Variants in ANXA2 observed in about 807,000 individuals in gnomAD.
ANXA2 encodes annexin A2.
In ANXA2, 28 loss-of-function variants were observed where a neutral mutation model predicts 47.3. The ratio of observed to expected loss-of-function variants is 0.59; its 90% CI spans 0.44 to 0.81. The LOEUF is 0.81. Among genes scored for constraint, ANXA2 ranks in the 40% least tolerant of loss-of-function variants. The pLI is 0.00. For missense variants in ANXA2, 384 were observed against 414.3 expected, an observed-to-expected ratio of 0.93 and a Z score of 0.64; for synonymous variants, 172 against 155.5, an observed-to-expected ratio of 1.11 and a Z score of -0.79.
At chr15:60,394,074 G>A (rs1391693107) in intron 1 of ANXA2, among the ~76,000 whole-genome samples, 1 of 152,164 alleles carries the variant, frequency 6.6e-6, no homozygotes, top group Non-Finnish European at 1.5e-5. Flanking sequence ...CTTCAGGGCA[G>A]CCTCTTATCA....
intron 3 of ANXA2, among the ~76,000 whole-genome samples, chr15:60,378,096 C>A (rs371479163): frequency 6.6e-6 from 1 of 151,632 alleles, no homozygotes; most frequent in Non-Finnish European, 1.5e-5. Flanking sequence ...AGTGAGACTC[C>A]GCCTCAAAAA....
chr15:60,391,127 C>G (rs942971423), intron 1 of ANXA2: 1 of 152,304 alleles, frequency 6.6e-6, no homozygotes, highest in Admixed American at 6.5e-5. Context: ...CTCTTCCCTT[C>G]GTGCCTCTGT....
chr15:60,374,942 G>A (rs893228194), intron 3 of ANXA2, among the ~76,000 whole-genome samples: 1 of 152,224 alleles, frequency 6.6e-6, no homozygotes, highest in Non-Finnish European at 1.5e-5. Flanking sequence ...TGCTCTTGTT[G>A]GTTTAGCTCC....
intron 2 of ANXA2, 85 bp from the exon 3 acceptor site, chr15:60,382,526 T>G (rs1286098237): frequency 5.0e-6 from 5 of 992,584 alleles, no homozygotes; most frequent in Admixed American, 4.3e-5. Context: ...GTTTTCCTAT[T>G]GTTTCTTTTA....
At chr15:60,392,358 C>A (rs113663835) in intron 1 of ANXA2, among the ~76,000 whole-genome samples, 5 of 151,152 alleles carry the variant, frequency 3.3e-5, no homozygotes, top group African/African-American at 9.7e-5. Context: ...TGGCAAAAAC[C>A]ACAATTAACT....
chr15:60,354,077 C>A, intron 8 of ANXA2, 77 bp downstream of exon 8: 1 of 1,154,012 alleles, frequency 8.7e-7, no homozygotes, highest in African/African-American at 1.6e-5. Flanking sequence ...ATTTGTCACA[C>A]AGAGTTAAAT....
intron 1 of ANXA2, chr15:60,393,408 C>T: frequency 9.9e-7 from 1 of 1,010,366 alleles, no homozygotes; most frequent in South Asian, 4.0e-5. Flanking sequence ...GTTTTATGGC[C>T]CACATATTGT....
At chr15:60,355,600 G>A (rs2062415802) in intron 7 of ANXA2, 1 of 436,036 alleles carries the variant, frequency 2.3e-6, no homozygotes, top group East Asian at 4.8e-5. Flanking sequence ...GGTCCTGCAT[G>A]ACCACAGATA....
chr15:60,393,005 C>T lies in ANXA2; in HGVS notation c.-12+4938G>A, dbSNP rs2063034369. 5 of 1,281,102 alleles carry T rather than the reference C, an allele frequency of 3.9e-6. No homozygotes were observed. In the South Asian group the frequency reaches 5.0e-5, roughly 13 times the overall value. 79.4% of individuals were successfully genotyped at this position (1,281,102 alleles called of 1,614,324 possible). On this transcript the variant is annotated intron_variant, in intron 1 of 12. Transcript: ENST00000451270. ...AGGGGTTCCCACTGTACTCCATCCT[C>T]CACCCACCTACTGCATCTTTATTTA...
At position 60,352,701 on chromosome 15, in the gene ANXA2, G is replaced by A. The variant is rs763826595; in HGVS notation, c.589-225C>T. Among the ~76,000 whole-genome samples the A allele has an allele frequency of 5.3e-5, 8 of 152,174 alleles. No individual in the cohort carries two copies. Among genetic ancestry groups the A allele is most frequent in the African/African-American group, 1.7e-4 (7 of 41,432 alleles). On this transcript the variant is annotated intron_variant, in intron 8 of 12. Coordinates refer to ENST00000451270, the MANE Select transcript of ANXA2 (RefSeq NM_004039.3). This position sits in a 1 kb window ranked among gnomAD's most constrained non-coding sequence, Gnocchi z 4.2. ...TACCATATGAGACTGCAGATAGTTC[G>A]TGAGGTCTGCTGTACAATCTCCTTC... is the stretch of plus-strand genomic sequence containing the variant.
chr15:60,368,869 C>A (rs2062675402), intron 3 of ANXA2, among the ~76,000 whole-genome samples: 1 of 152,164 alleles, frequency 6.6e-6, no homozygotes, highest in South Asian at 2.1e-4. Flanking sequence ...TTAGAAAACA[C>A]AGTATGCATG....
intron 8 of ANXA2, among the ~76,000 whole-genome samples, chr15:60,353,938 C>T (rs2062385807): frequency 6.6e-6 from 1 of 152,226 alleles, no homozygotes; most frequent in African/African-American, 2.4e-5. Context: ...AGCCATGCAA[C>T]ATTTTGTCTG....
At chr15:60,355,660 A>C in intron 7 of ANXA2, 2 of 538,488 alleles carry the variant, frequency 3.7e-6, no homozygotes, top group Non-Finnish European at 6.7e-6. Flanking sequence ...CTGGCACATA[A>C]ATCCAGGCCA....
At chr15:60,394,250 T>G (rs1240101206) in intron 1 of ANXA2, among the ~76,000 whole-genome samples, 1 of 152,096 alleles carries the variant, frequency 6.6e-6, no homozygotes, top group Non-Finnish European at 1.5e-5. Context: ...GCTGTGAGTG[T>G]ATAGCCTGGG....
intron 3 of ANXA2, among the ~76,000 whole-genome samples, chr15:60,379,816 A>G (rs116307173): frequency 3.3e-4 from 50 of 152,316 alleles, no homozygotes; most frequent in African/African-American, 1.2e-3. Flanking sequence ...AGCCCTCCAG[A>G]CGTTTCTGTC....
chr15:60,386,782 C>T (rs1545541), intron 1 of ANXA2: 1 of 152,114 alleles, frequency 6.6e-6, no homozygotes, highest in African/African-American at 2.4e-5. Context: ...TGGCTTTCCA[C>T]CTTTGCAATC....
At chr15:60,371,438 TTCC>T (rs1310934863) in intron 3 of ANXA2, among the ~76,000 whole-genome samples, 5 of 152,314 alleles carry the variant, frequency 3.3e-5, no homozygotes, top group Admixed American at 6.5e-5. Flanking sequence ...CTCCTGGAGT[TTCC>T]TCCTCCTCTC....
Position 60,386,090 on chromosome 15 carries a change from G to T in ANXA2, c.-11-4C>A. On this transcript the variant is annotated splice_region_variant and splice_polypyrimidine_tract_variant and intron_variant, in intron 1 of 12. Transcript: ENST00000451270. ...ACAGTAGACATTTTGAAGGAAGCTG[G>T]AAAAAAAGTACAACAAAAAGTCTTT... is the stretch of plus-strand genomic sequence containing the variant. 1 of 1,605,550 alleles carries T rather than the reference G, an allele frequency of 6.2e-7. No homozygotes were observed. The highest frequency in any genetic ancestry group is 1.1e-5 in the South Asian group (1 of 90,440).
Position 60,391,771 on chromosome 15 carries a change from TAAA to T in ANXA2, c.-11-5688_-11-5686del, listed in dbSNP as rs559681120. On this transcript the variant is annotated intron_variant, in intron 1 of 12. Coordinates refer to ENST00000451270, the MANE Select transcript of ANXA2 (RefSeq NM_004039.3). ...CACCGTATAAAACTCATAAATCCATTAAAAACAGAACCACTACTCCTTTTCTGG... is the reference window on the plus strand; with the variant it reads ...CACCGTATAAAACTCATAAATCCATTAACAGAACCACTACTCCTTTTCTGG... Among the ~76,000 whole-genome samples, 16 of 152,150 alleles carry T rather than the reference TAAA, an allele frequency of 1.1e-4. No homozygotes were observed. The East Asian group carries it at 2.3e-3, about 22-fold the overall frequency.
Sources: allele counts gnomAD v4.1 joint callset (sites outside exome capture counted in the v4.1 genomes callset), GRCh38; gene constraint gnomAD v4.1.1; non-coding constraint Gnocchi (gnomAD v3.1); transcripts MANE v1.5; gene names NCBI Gene and HGNC (gene_info 2026-07-23, HGNC 2026-07-21).